THSD7B: variants seen among roughly 807,000 people sequenced by gnomAD.
THSD7B encodes the protein thrombospondin type-1 domain-containing protein 7B.
In THSD7B, 138 loss-of-function variants were observed where a neutral mutation model predicts 213.6. The ratio of observed to expected loss-of-function variants is 0.65; its 90% CI spans 0.56 to 0.74. The LOEUF is 0.74. Among genes scored for constraint, THSD7B ranks in the 30% least tolerant of loss-of-function variants. THSD7B has a pLI of 0.00. For synonymous variants in THSD7B, 742 were observed against 687.0 expected (o/e 1.08, Z -1.25); for missense variants, 1,931 against 1,991.5 (o/e 0.97, Z 0.58).
chr2:137,321,500 T>A (rs1309119565), intron 12 of THSD7B, among the ~76,000 whole-genome samples: 1 of 152,170 alleles, frequency 6.6e-6, no homozygotes, highest in Admixed American at 6.5e-5. Context: ...GGGATAAGAA[T>A]GTCTTACCAT....
At chr2:137,602,911 C>A (rs1682102976) in intron 17 of THSD7B, among the ~76,000 whole-genome samples, 1 of 152,094 alleles carries the variant, frequency 6.6e-6, no homozygotes, top group Non-Finnish European at 1.5e-5. Context: ...ATCTACCATC[C>A]ACAATGACCC....
intron 3 of THSD7B, among the ~76,000 whole-genome samples, chr2:137,069,237 A>G (rs1157975367): frequency 3.3e-5 from 5 of 152,064 alleles, no homozygotes; most frequent in Non-Finnish European, 5.9e-5. Context: ...TATATCAATG[A>G]TGCTATTATT....
chr2:137,026,124 A>G (rs1321823953), intron 2 of THSD7B, among the ~76,000 whole-genome samples: 1 of 152,202 alleles, frequency 6.6e-6, no homozygotes, highest in Admixed American at 6.5e-5. Context: ...GAATGATAGA[A>G]CAGGGATGGC....
chr2:137,444,749 A>G (rs1413320576), intron 14 of THSD7B, among the ~76,000 whole-genome samples: 1 of 152,066 alleles, frequency 6.6e-6, no homozygotes, highest in African/African-American at 2.4e-5. Context: ...ATAGGCCACA[A>G]AGGCAAAAAT....
At chr2:136,885,319 T>C (rs185857031) in intron 2 of THSD7B, among the ~76,000 whole-genome samples, 1 of 150,374 alleles carries the variant, frequency 6.7e-6, no homozygotes, top group East Asian at 2.0e-4. Flanking sequence ...TCTAAGTGAG[T>C]CCTGGCTTTG....
chr2:137,092,475 T>G (rs1349575153), intron 3 of THSD7B, among the ~76,000 whole-genome samples: 1 of 152,098 alleles, frequency 6.6e-6, no homozygotes, highest in Non-Finnish European at 1.5e-5. Flanking sequence ...GATTTAGCTT[T>G]TCCTCTATGA....
At chr2:137,487,267 C>G (rs1436100868) in intron 15 of THSD7B, among the ~76,000 whole-genome samples, 4 of 143,048 alleles carry the variant, frequency 2.8e-5, no homozygotes, top group Admixed American at 2.1e-4. Flanking sequence ...ACTGGGGAGG[C>G]TGAGGCAGGA....
intron 10 of THSD7B, among the ~76,000 whole-genome samples, chr2:137,254,686 C>G (rs1345459211): frequency 1.3e-5 from 2 of 152,098 alleles, no homozygotes; most frequent in African/African-American, 4.8e-5. Context: ...TATGTAATAT[C>G]TGTAAGACAA....
intron 1 of THSD7B, among the ~76,000 whole-genome samples, chr2:136,785,566 A>T (rs1445581757): frequency 6.6e-6 from 1 of 152,172 alleles, no homozygotes; most frequent in Non-Finnish European, 1.5e-5. Flanking sequence ...CTTGTTTTCC[A>T]TTAAACATGT....
At position 136,975,872 on chromosome 2, in the gene THSD7B, C is replaced by T. The variant is rs1490961482; in HGVS notation, c.140-80548C>T. 2.6e-5 allele frequency among the ~76,000 whole-genome samples: 4 copies of T among 152,046 alleles called. No homozygotes were observed. The South Asian group carries it at 8.3e-4, about 32-fold the overall frequency. ...TCTCTCTGATTTCCTTGAGCAATGGCTTCTAGTTCTCCTTGAAGAGGTCCT... is the reference window on the plus strand; with the variant it reads ...TCTCTCTGATTTCCTTGAGCAATGGTTTCTAGTTCTCCTTGAAGAGGTCCT... On this transcript the variant is annotated intron_variant, in intron 2 of 27. Transcript: ENST00000409968.
At chr2:137,146,301 A>C (rs1413536118) in intron 5 of THSD7B, among the ~76,000 whole-genome samples, 1 of 152,136 alleles carries the variant, frequency 6.6e-6, no homozygotes, top group Non-Finnish European at 1.5e-5. Context: ...ACTGTAGTCA[A>C]ATTAAAAAGA....
intron 20 of THSD7B, among the ~76,000 whole-genome samples, chr2:137,624,787 A>C (rs1303038593): frequency 2.0e-5 from 3 of 152,212 alleles, no homozygotes; most frequent in African/African-American, 7.2e-5. Context: ...ACCATCTCAC[A>C]CCAGTTAGAA....
chr2:136,880,276 T>C (rs1421730257), intron 1 of THSD7B, among the ~76,000 whole-genome samples: 1 of 152,194 alleles, frequency 6.6e-6, no homozygotes, highest in African/African-American at 2.4e-5. Flanking sequence ...TTCTTTTCCT[T>C]GGCCACTAGG....
At chr2:136,987,919 T>C (rs926982168) in intron 2 of THSD7B, among the ~76,000 whole-genome samples, 2 of 152,184 alleles carry the variant, frequency 1.3e-5, no homozygotes, top group African/African-American at 2.4e-5. Context: ...AGAAGAAATA[T>C]ATTTTTATAG....
At chr2:137,193,619 AGGTCCTT>A (rs1212482708) in intron 7 of THSD7B, among the ~76,000 whole-genome samples, 1 of 152,104 alleles carries the variant, frequency 6.6e-6, no homozygotes, top group Non-Finnish European at 1.5e-5. Context: ...TGCTCTTGGC[AGGTCCTT>A]TGTCCCGCCT....
intron 12 of THSD7B, among the ~76,000 whole-genome samples, chr2:137,290,687 A>T (rs990981038): frequency 6.6e-6 from 1 of 152,130 alleles, no homozygotes; most frequent in Non-Finnish European, 1.5e-5. Flanking sequence ...CCTGCTGAAC[A>T]CCAATCACCT....
At chr2:136,888,918 A>G (rs940667758) in intron 2 of THSD7B, among the ~76,000 whole-genome samples, 5 of 149,758 alleles carry the variant, frequency 3.3e-5, no homozygotes, top group African/African-American at 7.4e-5. Context: ...AGCACATTAA[A>G]TAAAATAAGG....
In THSD7B at chr2:137,131,864, C is replaced by T. The variant is rs1209827241; in HGVS notation, c.1369+16571C>T. ...CTTAGGATTGACTTGGCAATGTGGG[C>T]TCTTTTTTGGTTCCATATGAACTTT... is the stretch of plus-strand genomic sequence containing the variant. On this transcript the variant is annotated intron_variant, in intron 5 of 27. Transcript: ENST00000409968. Among the ~76,000 whole-genome samples the T allele has an allele frequency of 3.9e-5, 6 of 152,092 alleles. No homozygotes were observed. The East Asian group carries it at 5.8e-4, about 15-fold the overall frequency.
chr2:137,282,209 GA>G (rs1380996075), intron 12 of THSD7B, among the ~76,000 whole-genome samples: 1 of 152,024 alleles, frequency 6.6e-6, no homozygotes, highest in African/African-American at 2.4e-5. Context: ...CTTCTTTTGA[GA>G]AGTGTCTGTT....
Sources: gnomAD v4.1 joint callset for allele counts (sites outside exome capture counted in the v4.1 genomes callset) on GRCh38, gnomAD v4.1.1 for gene constraint, MANE v1.5 for transcripts, NCBI Gene and HGNC (gene_info 2026-07-23, HGNC 2026-07-21) for gene names.